Variants in CDKN2B-AS1 observed in about 807,000 individuals in gnomAD.
CDKN2B-AS1 encodes CDKN2B antisense RNA 1 (non-protein coding).
At chr9:22,023,617 C>A (rs1822103440) in intron 1 of CDKN2B-AS1, among the ~76,000 whole-genome samples, 1 of 152,028 alleles carries the variant, frequency 6.6e-6, no homozygotes, top group Non-Finnish European at 1.5e-5. Context: ...GGGGAACATG[C>A]TTATAATCTC....
intron 4 of CDKN2B-AS1, among the ~76,000 whole-genome samples, chr9:22,112,892 A>C (rs1372470208): frequency 1.3e-5 from 2 of 152,210 alleles, no homozygotes; most frequent in Non-Finnish European, 2.9e-5. Flanking sequence ...AAATTGTGCT[A>C]AGAAAGCTAA....
chr9:22,127,496 G>A (rs920877312), exon 5 of CDKN2B-AS1, among the ~76,000 whole-genome samples: 1 of 152,204 alleles, frequency 6.6e-6, no homozygotes, highest in Non-Finnish European at 1.5e-5. Context: ...GAATTAGAAC[G>A]ATAGTGAGCT....
At chr9:22,116,761 T>G (rs1825960186) in intron 4 of CDKN2B-AS1, among the ~76,000 whole-genome samples, 1 of 152,146 alleles carries the variant, frequency 6.6e-6, no homozygotes, top group Non-Finnish European at 1.5e-5. Flanking sequence ...GTCCTATAGG[T>G]CATGGAAAGA....
chr9:22,122,060 A>ATTTTTTT (rs35831924), intron 4 of CDKN2B-AS1, among the ~76,000 whole-genome samples: 1 of 145,492 alleles, frequency 6.9e-6, no homozygotes. Flanking sequence ...AGCATTTGTT[A>ATTTTTTT]TTTTTTTTTT....
At chr9:22,008,649 G>C in intron 1 of CDKN2B-AS1, 1 of 1,600,544 alleles carries the variant, frequency 6.2e-7, no homozygotes, top group Non-Finnish European at 8.5e-7. Flanking sequence ...CTGGGTAAAA[G>C]CCTGTTTTAC....
At chr9:22,032,383 C>T (rs906768055) in intron 1 of CDKN2B-AS1, among the ~76,000 whole-genome samples, 1 of 151,988 alleles carries the variant, frequency 6.6e-6, no homozygotes, top group Non-Finnish European at 1.5e-5. Flanking sequence ...TTTTTCCGTA[C>T]TTTAAATTAA....
intron 1 of CDKN2B-AS1, among the ~76,000 whole-genome samples, chr9:22,042,202 CCTTT>C (rs1254365872): frequency 6.6e-6 from 1 of 151,974 alleles, no homozygotes; most frequent in Non-Finnish European, 1.5e-5. Context: ...TTTCCTAAAC[CCTTT>C]CTTCTACCAG....
intron 4 of CDKN2B-AS1, among the ~76,000 whole-genome samples, chr9:22,086,839 T>G (rs1281907058): frequency 6.6e-6 from 1 of 152,250 alleles, no homozygotes; most frequent in Admixed American, 6.5e-5. Context: ...GTGTATTTTA[T>G]CCATATGGCC....
chr9:22,036,786 A>G (rs1822704547), intron 1 of CDKN2B-AS1, among the ~76,000 whole-genome samples: 1 of 152,244 alleles, frequency 6.6e-6, no homozygotes, highest in East Asian at 1.9e-4. Flanking sequence ...GAGGTATTAT[A>G]GATGATCATA....
intron 4 of CDKN2B-AS1, among the ~76,000 whole-genome samples, chr9:22,075,982 G>A (rs1252110163): frequency 1.3e-5 from 2 of 152,184 alleles, no homozygotes; most frequent in Admixed American, 1.3e-4. Context: ...AAGAGTTTGT[G>A]TCTGTCCTTT....
At chr9:22,078,840 G>A (rs1824590161) in intron 4 of CDKN2B-AS1, among the ~76,000 whole-genome samples, 1 of 152,182 alleles carries the variant, frequency 6.6e-6, no homozygotes, top group Non-Finnish European at 1.5e-5. Flanking sequence ...GGTATGCAGA[G>A]TTTTGAAACT....
chr9:22,043,969 C>T (rs1371071967), intron 1 of CDKN2B-AS1, among the ~76,000 whole-genome samples: 1 of 151,820 alleles, frequency 6.6e-6, no homozygotes, highest in Non-Finnish European at 1.5e-5. Context: ...TGATAGTAAC[C>T]ATAGCAATGG....
At chr9:22,045,369 A>G (rs1394836456) in intron 1 of CDKN2B-AS1, among the ~76,000 whole-genome samples, 1 of 151,940 alleles carries the variant, frequency 6.6e-6, no homozygotes, top group Non-Finnish European at 1.5e-5. Flanking sequence ...TATTTACTCA[A>G]CTCCACACTG....
chr9:22,099,098 A>C (rs1825391473), intron 4 of CDKN2B-AS1, among the ~76,000 whole-genome samples: 1 of 152,230 alleles, frequency 6.6e-6, no homozygotes, highest in Admixed American at 6.5e-5. Flanking sequence ...CCCAGAGATG[A>C]GTCTTGAAGG....
At chr9:22,037,037 C>G (rs1822716835) in intron 1 of CDKN2B-AS1, among the ~76,000 whole-genome samples, 1 of 152,016 alleles carries the variant, frequency 6.6e-6, no homozygotes, top group South Asian at 2.1e-4. Flanking sequence ...TGTTTGTGTA[C>G]ATGTCTGGTT....
At chr9:22,032,239 TG>T (rs1176398488) in intron 1 of CDKN2B-AS1, among the ~76,000 whole-genome samples, 1 of 152,204 alleles carries the variant, frequency 6.6e-6, no homozygotes, top group African/African-American at 2.4e-5. Flanking sequence ...TAGAATCATG[TG>T]GTTGTGAGCC....
At chr9:22,088,107 A>T (rs1018912145) in intron 4 of CDKN2B-AS1, among the ~76,000 whole-genome samples, 2 of 152,150 alleles carry the variant, frequency 1.3e-5, no homozygotes, top group Non-Finnish European at 2.9e-5. Flanking sequence ...TTCTAAAATC[A>T]TCTGGTGTGC....
intron 1 of CDKN2B-AS1, among the ~76,000 whole-genome samples, chr9:22,013,417 A>G (rs1821598570): frequency 6.6e-6 from 1 of 152,134 alleles, no homozygotes; most frequent in African/African-American, 2.4e-5. Flanking sequence ...AAATTGGTTG[A>G]AATTGCTACA....
At chr9:22,007,327 C>G (rs1038883348) in intron 1 of CDKN2B-AS1, among the ~76,000 whole-genome samples, 17 of 151,496 alleles carry the variant, frequency 1.1e-4, no homozygotes, top group Non-Finnish European at 4.4e-5. Flanking sequence ...CCACTGCACT[C>G]CAGCCTGTCC....
Sources: gnomAD v4.1 joint callset for allele counts (sites outside exome capture counted in the v4.1 genomes callset) on GRCh38, gnomAD v4.1.1 for gene constraint, MANE v1.5 for transcripts, NCBI Gene and HGNC (gene_info 2026-07-23, HGNC 2026-07-21) for gene names.